Variants in TGFB2 observed in about 807,000 individuals in gnomAD.
TGFB2 encodes the protein transforming growth factor beta 2.
In TGFB2, 13 loss-of-function variants were observed where a neutral mutation model predicts 42.7. That is an observed-to-expected ratio of 0.30 (90% confidence interval 0.20 to 0.48). The LOEUF (loss-of-function observed/expected upper bound fraction) is 0.48, where lower values mean the gene tolerates loss of function less well. Ranked by LOEUF, TGFB2 falls within the 20% of genes least tolerant of loss-of-function variation. The pLI, the probability that TGFB2 is intolerant of heterozygous loss-of-function variation, is 0.99. For missense variants in TGFB2, 390 were observed against 517.5 expected (o/e 0.75, Z 2.39); for synonymous variants, 193 against 193.6 (o/e 1.00, Z 0.03).
At chr1:218,413,479 C>T (rs1238713449) in intron 2 of TGFB2, among the ~76,000 whole-genome samples, 9 of 152,304 alleles carry the variant, frequency 5.9e-5, no homozygotes, top group East Asian at 1.9e-4. Flanking sequence ...AAGGCATCGG[C>T]GCTGTGCATT....
intron 2 of TGFB2, among the ~76,000 whole-genome samples, chr1:218,416,379 GT>G (rs1558253763): frequency 6.6e-6 from 1 of 151,580 alleles, no homozygotes; most frequent in Admixed American, 6.6e-5. Flanking sequence ...GAGCATGCAT[GT>G]TTTTTTTCTC....
At chr1:218,359,912 C>T (rs1049138314) in intron 1 of TGFB2, among the ~76,000 whole-genome samples, 2 of 152,126 alleles carry the variant, frequency 1.3e-5, no homozygotes, top group African/African-American at 4.8e-5. Context: ...TCACAGTAGA[C>T]AAAACCACTA....
At chr1:218,421,106 T>A (rs1272380286) in intron 2 of TGFB2, among the ~76,000 whole-genome samples, 1 of 152,136 alleles carries the variant, frequency 6.6e-6, no homozygotes, top group Non-Finnish European at 1.5e-5. Context: ...GAGGCTACAG[T>A]TAGACAGGAA....
chr1:218,358,526 T>C (rs1224772455), intron 1 of TGFB2, among the ~76,000 whole-genome samples: 1 of 152,002 alleles, frequency 6.6e-6, no homozygotes, highest in Non-Finnish European at 1.5e-5. Context: ...TGCAGTTGTT[T>C]CTACTTCCTT....
intron 1 of TGFB2, among the ~76,000 whole-genome samples, chr1:218,391,162 C>T (rs1571862685): frequency 2.0e-5 from 3 of 152,306 alleles, no homozygotes; most frequent in Admixed American, 6.5e-5. Flanking sequence ...AGAGGATGGG[C>T]ATTCTGGGCT....
intron 2 of TGFB2, among the ~76,000 whole-genome samples, chr1:218,424,023 T>C (rs961819973): frequency 1.3e-5 from 2 of 152,246 alleles, no homozygotes; most frequent in African/African-American, 4.8e-5. Flanking sequence ...CAAAGAACTC[T>C]AAGGGACCAC....
At chr1:218,419,395 A>G (rs1021800687) in intron 2 of TGFB2, among the ~76,000 whole-genome samples, 1 of 152,120 alleles carries the variant, frequency 6.6e-6, no homozygotes, top group Non-Finnish European at 1.5e-5. Context: ...CACCGTACCT[A>G]AGATCTCAGA....
chr1:218,358,098 C>T (rs931292492), intron 1 of TGFB2, among the ~76,000 whole-genome samples: 1 of 152,194 alleles, frequency 6.6e-6, no homozygotes, highest in Non-Finnish European at 1.5e-5. Context: ...TTGTAAGAAT[C>T]CTTATTTGTT....
intron 1 of TGFB2, among the ~76,000 whole-genome samples, chr1:218,353,889 C>G (rs568410001): frequency 6.7e-4 from 102 of 152,308 alleles, no homozygotes; most frequent in African/African-American, 2.4e-3. Context: ...GACCCTGTCT[C>G]TAAACATAAC....
chr1:218,411,789 C>T lies in TGFB2; in HGVS notation c.510+6457C>T, dbSNP rs147298568. ...CTGAGGCAGGAGAATCGCTTGAACC[C>T]GGGAGGTGGAGGTTGCAGTGAGCAG... On this transcript the variant is annotated intron_variant, in intron 2 of 6. Coordinates refer to ENST00000366930, the MANE Select transcript of TGFB2 (RefSeq NM_003238.6). Among the ~76,000 whole-genome samples the T allele has an allele frequency of 9.2e-3, 1,380 of 149,604 alleles. 16 individuals are homozygous for T. The highest frequency in any genetic ancestry group is 0.031 in the African/African-American group (1,267 of 40,490).
intron 1 of TGFB2, among the ~76,000 whole-genome samples, chr1:218,364,440 G>A (rs1436413034): frequency 6.6e-6 from 1 of 152,176 alleles, no homozygotes; most frequent in African/African-American, 2.4e-5. Context: ...TAGAGCTTGG[G>A]TGATCCTGAC....
In TGFB2 at chr1:218,346,056, G is replaced by GCGCACACACACA. The variant is rs550941534; in HGVS notation, c.-645_-644insGCACACACACAC. Reference sequence around the variant, plus strand: ...GGGCTCGCCCCCAGCGCGCGCACACGCACACACACACACACACACACACAC... The same window carrying GCGCACACACACA: ...GGGCTCGCCCCCAGCGCGCGCACACGCGCACACACACACACACACACACACACACACACACAC... On this transcript the variant is annotated 5_prime_UTR_variant, in exon 1 of 7. Coordinates refer to ENST00000366930, the MANE Select transcript of TGFB2 (RefSeq NM_003238.6). This position sits in a 1 kb window ranked among gnomAD's most constrained non-coding sequence, Gnocchi z 4.9. 2.7e-5 allele frequency among the ~76,000 whole-genome samples: 4 copies of GCGCACACACACA among 145,604 alleles called. No individual in the cohort carries two copies. The highest frequency in any genetic ancestry group is 1.0e-4 in the African/African-American group (4 of 39,610).
intron 1 of TGFB2, among the ~76,000 whole-genome samples, chr1:218,400,399 T>C (rs10779329): frequency 0.39 from 59,424 of 151,896 alleles, 14,319 homozygotes; most frequent in East Asian, 0.66. Context: ...GAGACTTTCA[T>C]GGGGACCTGA....
intron 2 of TGFB2, among the ~76,000 whole-genome samples, chr1:218,406,178 G>A (rs10482770): frequency 0.026 from 3,762 of 143,044 alleles, 118 homozygotes; most frequent in African/African-American, 0.09. Flanking sequence ...ACTGTCTCCA[G>A]TCTACCCACT....
At chr1:218,391,892 G>A (rs932295839) in intron 1 of TGFB2, among the ~76,000 whole-genome samples, 1 of 152,220 alleles carries the variant, frequency 6.6e-6, no homozygotes, top group Non-Finnish European at 1.5e-5. Flanking sequence ...ATTCTGCCTT[G>A]AGAATTATGT....
chr1:218,394,332 G>A (rs1658425073), intron 1 of TGFB2, among the ~76,000 whole-genome samples: 1 of 152,134 alleles, frequency 6.6e-6, no homozygotes, highest in Admixed American at 6.5e-5. Flanking sequence ...GGAATGTAGA[G>A]GAACTGAAGT....
At chr1:218,369,392 A>C (rs1657499848) in intron 1 of TGFB2, among the ~76,000 whole-genome samples, 1 of 151,986 alleles carries the variant, frequency 6.6e-6, no homozygotes, top group African/African-American at 2.4e-5. Flanking sequence ...TATAGCAAGA[A>C]TCTCAAACAG....
chr1:218,365,325 T>C (rs1657351750), intron 1 of TGFB2, among the ~76,000 whole-genome samples: 1 of 152,190 alleles, frequency 6.6e-6, no homozygotes, highest in African/African-American at 2.4e-5. Flanking sequence ...CTTTTCATCT[T>C]TTCCTCCCAT....
intron 2 of TGFB2, among the ~76,000 whole-genome samples, chr1:218,411,334 G>A (rs1659089916): frequency 6.6e-6 from 1 of 152,244 alleles, no homozygotes; most frequent in South Asian, 2.1e-4. Flanking sequence ...GCTCCATGTG[G>A]CTTTGGCTGG....
Sources: allele counts gnomAD v4.1 joint callset (sites outside exome capture counted in the v4.1 genomes callset), GRCh38; gene constraint gnomAD v4.1.1; non-coding constraint Gnocchi (gnomAD v3.1); transcripts MANE v1.5; gene names NCBI Gene and HGNC (gene_info 2026-07-23, HGNC 2026-07-21).